The following CLIC6 variants were observed in gnomAD, a reference collection of about 807,000 sequenced individuals.
CLIC6 encodes CLIC family member 6.
In CLIC6, 39 loss-of-function variants were observed where a neutral mutation model predicts 49.2. That is an observed-to-expected ratio of 0.79 (90% confidence interval 0.61 to 1.04). The LOEUF is 1.04. Among genes scored for constraint, CLIC6 ranks in the 50% least tolerant of loss-of-function variants. The pLI, the probability that CLIC6 is intolerant of heterozygous loss-of-function variation, is 0.00. For synonymous variants in CLIC6, 446 were observed against 433.4 expected, an observed-to-expected ratio of 1.03 and a Z score of -0.36; for missense variants, 988 against 993.1, an observed-to-expected ratio of 0.99 and a Z score of 0.07.
At chr21:34,715,659 A>G (rs1203022428) in intron 5 of CLIC6, among the ~76,000 whole-genome samples, 1 of 152,124 alleles carries the variant, frequency 6.6e-6, no homozygotes, top group African/African-American at 2.4e-5. Flanking sequence ...TAATTCCCCA[A>G]CTGTACCCCT....
chr21:34,670,746 T>C lies in CLIC6; in HGVS notation c.1358T>C (p.Ile453Thr), dbSNP rs747514884. Residue 453 changes from isoleucine (I) to threonine (T), a missense_variant, in exon 1 of 6, where the codon ATC becomes ACC. Coordinates refer to ENST00000349499, the MANE Select transcript of CLIC6 (RefSeq NM_053277.3). ...CGGGCCCTGGGGCAGGAGCACGACA[T>C]CACCCTCTTCGTCAAGGTAAAGCTC... is the stretch of plus-strand genomic sequence containing the variant. ...EPRALGQEHD[I>T]TLFVKAGYDG... The C allele has an allele frequency of 1.9e-6, 3 of 1,599,944 alleles. No homozygotes were observed. The highest frequency in any genetic ancestry group is 2.5e-6 in the Non-Finnish European group (3 of 1,177,886).
chr21:34,687,520 C>A (rs1380994107), intron 1 of CLIC6, among the ~76,000 whole-genome samples: 1 of 152,240 alleles, frequency 6.6e-6, no homozygotes, highest in East Asian at 1.9e-4. Flanking sequence ...GAATAGATGG[C>A]AAATACCAGT....
At chr21:34,701,554 A>G (rs1335437141) in intron 1 of CLIC6, among the ~76,000 whole-genome samples, 1 of 152,122 alleles carries the variant, frequency 6.6e-6, no homozygotes, top group African/African-American at 2.4e-5. Flanking sequence ...ATGTAGGTGC[A>G]TGTATCCCTA....
At position 34,670,306 on chromosome 21, in the gene CLIC6, C is replaced by T. The variant is rs1989527482; in HGVS notation, c.918C>T (p.Pro306=). 10 of 1,444,438 alleles carry T rather than the reference C, an allele frequency of 6.9e-6. No individual in the cohort carries two copies. The highest frequency in any genetic ancestry group is 9.1e-6 in the Non-Finnish European group (10 of 1,101,836). The allele number at this position is 1,444,438 out of a possible 1,614,324, so 89.5% of individuals were successfully genotyped here. Residue 306 remains proline (P), a synonymous_variant, in exon 1 of 6, where the codon CCC becomes CCT. Transcript: ENST00000349499. ...AATCGGGGGACGGCAGCCTCTCGCC[C>T]CAGGCCGAGGCAATTGAGGTCGCAG... The part of the protein sequence containing the change: ...PQQSGDGSLS[P]QAEAIEVAAG...
chr21:34,670,205 G>A lies in CLIC6; in HGVS notation c.817G>A (p.Glu273Lys). 2 of 1,404,472 alleles carry A rather than the reference G, an allele frequency of 1.4e-6. No homozygotes were observed. Among genetic ancestry groups the A allele is most frequent in the Non-Finnish European group, 9.2e-7 (1 of 1,086,402 alleles). The allele number at this position is 1,404,472 out of a possible 1,614,324, so 87.0% of individuals were successfully genotyped here. ...GVPAGDSVEAEGPAGDSMDAE... is the reference protein window; with the variant it reads ...GVPAGDSVEAKGPAGDSMDAE... ...CCCGGCGGGGGACAGCGTAGAAGCC[G>A]AAGGCCCGGCGGGGGACAGCATGGA... Residue 273 changes from glutamate (E) to lysine (K), a missense_variant, in exon 1 of 6, where the codon GAA (glutamate) becomes AAA (lysine). Physicochemically the swap from Glu to Lys is moderately conservative, Grantham distance 56 (BLOSUM62 1). Transcript: ENST00000349499.
chr21:34,712,496 A>G (rs576426847), intron 5 of CLIC6, among the ~76,000 whole-genome samples: 2 of 152,274 alleles, frequency 1.3e-5, no homozygotes, highest in Middle Eastern at 3.4e-3. Flanking sequence ...GAAATACCCA[A>G]CTCAAACTTC....
chr21:34,677,858 T>G (rs114568108), intron 1 of CLIC6, among the ~76,000 whole-genome samples: 2,375 of 152,282 alleles, frequency 0.016, 69 homozygotes, highest in African/African-American at 0.054. Context: ...ATGCAGGTCC[T>G]ATCTAGCCTG....
intron 5 of CLIC6, among the ~76,000 whole-genome samples, chr21:34,710,434 T>C (rs2056048609): frequency 6.6e-6 from 1 of 152,210 alleles, no homozygotes. Flanking sequence ...CCATGAGTCA[T>C]GTATTATTAG....
At chr21:34,673,315 G>T (rs1444910899) in intron 1 of CLIC6, among the ~76,000 whole-genome samples, 2 of 151,814 alleles carry the variant, frequency 1.3e-5, no homozygotes, top group African/African-American at 2.4e-5. Flanking sequence ...ATTGAGACAG[G>T]TTCTTGCTCT....
intron 1 of CLIC6, among the ~76,000 whole-genome samples, chr21:34,690,071 C>A (rs1254515478): frequency 2.0e-5 from 3 of 152,174 alleles, no homozygotes; most frequent in African/African-American, 7.2e-5. Context: ...ATCACAGGAA[C>A]TTGTTTGGAG....
At chr21:34,688,435 G>A (rs373263210) in intron 1 of CLIC6, among the ~76,000 whole-genome samples, 12 of 152,226 alleles carry the variant, frequency 7.9e-5, no homozygotes, top group East Asian at 5.8e-4. Flanking sequence ...TGCGGCTGGC[G>A]TTCCCCTGGC....
intron 1 of CLIC6, among the ~76,000 whole-genome samples, chr21:34,703,059 G>A (rs1476169917): frequency 1.3e-5 from 2 of 152,092 alleles, no homozygotes; most frequent in African/African-American, 4.8e-5. Context: ...CAAATCAGCT[G>A]CTTGCTCCCA....
At chr21:34,715,065 G>A (rs905163819) in intron 5 of CLIC6, among the ~76,000 whole-genome samples, 1 of 152,182 alleles carries the variant, frequency 6.6e-6, no homozygotes, top group Non-Finnish European at 1.5e-5. Flanking sequence ...TTGCATCAAT[G>A]ACTGCTGGCC....
Position 34,716,659 on chromosome 21 carries a change from C to T in CLIC6, c.*177C>T, listed in dbSNP as rs1028917824. ...TTCTCTAAAACATTAGTTTAATTTT[C>T]TTCAAAATGAAAATACTGCTTTGTA... is the stretch of plus-strand genomic sequence containing the variant. On this transcript the variant is annotated 3_prime_UTR_variant, in exon 6 of 6. Coordinates refer to ENST00000349499, the MANE Select transcript of CLIC6 (RefSeq NM_053277.3). The T allele has an allele frequency of 4.3e-6, 2 of 469,020 alleles. No homozygotes were observed. The highest frequency in any genetic ancestry group is 4.0e-5 in the African/African-American group (2 of 49,742). 29.1% of individuals were successfully genotyped at this position (469,020 alleles called of 1,614,324 possible).
In CLIC6 at chr21:34,669,051, C is replaced by G. The variant is rs559192106; in HGVS notation, c.-338C>G. On this transcript the variant is annotated 5_prime_UTR_variant, in exon 1 of 6. Coordinates refer to ENST00000349499, the MANE Select transcript of CLIC6 (RefSeq NM_053277.3). ...TTCCAAAGGCGCAGGAGCGAAGCAG[C>G]CCTCTCCAGCCGTGCACTGCACCTC... Among the ~76,000 whole-genome samples, 1 of 152,330 alleles carries G rather than the reference C, an allele frequency of 6.6e-6. No homozygotes were observed. Among genetic ancestry groups the G allele is most frequent in the South Asian group, 2.1e-4 (1 of 4,824 alleles).
chr21:34,710,848 A>C (rs896052262), intron 5 of CLIC6, among the ~76,000 whole-genome samples: 10 of 152,042 alleles, frequency 6.6e-5, no homozygotes, highest in Admixed American at 1.3e-4. Context: ...CAAAAACCCC[A>C]AAAAAACAAG....
chr21:34,713,764 C>T (rs1278595874), intron 5 of CLIC6, among the ~76,000 whole-genome samples: 3 of 151,996 alleles, frequency 2.0e-5, no homozygotes, highest in African/African-American at 7.3e-5. Context: ...AAATGACATG[C>T]CATGTTAAAC....
chr21:34,705,294 G>A (rs1238866453), intron 1 of CLIC6, among the ~76,000 whole-genome samples: 6 of 152,128 alleles, frequency 3.9e-5, no homozygotes, highest in Non-Finnish European at 8.8e-5. Context: ...CAGCCACTGG[G>A]AGTTTTCTCT....
intron 1 of CLIC6, among the ~76,000 whole-genome samples, chr21:34,671,248 G>T (rs1258405237): frequency 1.3e-5 from 2 of 152,058 alleles, no homozygotes. Context: ...TAGGTTCAAT[G>T]TGGGAGGTGC....
Sources: allele counts gnomAD v4.1 joint callset (sites outside exome capture counted in the v4.1 genomes callset), GRCh38; gene constraint gnomAD v4.1.1; transcripts MANE v1.5; gene names NCBI Gene and HGNC (gene_info 2026-07-23, HGNC 2026-07-21).